Variants in COL22A1 observed in about 807,000 individuals in gnomAD.
The protein encoded by COL22A1 is collagen type XXII alpha 1 chain, also known as collagen alpha-1(XXII) chain.
COL22A1 carries 221 observed loss-of-function variants against 248.9 expected under a neutral mutation model. The ratio of observed to expected loss-of-function variants is 0.89; its 90% CI spans 0.80 to 0.99. COL22A1 has a LOEUF of 0.99. Among genes scored for constraint, COL22A1 ranks in the 50% least tolerant of loss-of-function variants. The pLI, the probability that COL22A1 is intolerant of heterozygous loss-of-function variation, is 0.00. For synonymous variants in COL22A1, 891 were observed against 793.4 expected, an observed-to-expected ratio of 1.12 and a Z score of -2.07; for missense variants, 2,240 against 2,179.0, an observed-to-expected ratio of 1.03 and a Z score of -0.56.
chr8:138,596,602 A>G (rs924455915), intron 62 of COL22A1, among the ~76,000 whole-genome samples: 1 of 152,224 alleles, frequency 6.6e-6, no homozygotes, highest in Non-Finnish European at 1.5e-5. Context: ...TTCTTTACAG[A>G]CTAGATAAAT....
chr8:138,801,132 T>C (rs1274049472), intron 11 of COL22A1, among the ~76,000 whole-genome samples: 2 of 152,150 alleles, frequency 1.3e-5, no homozygotes, highest in Admixed American at 6.5e-5. Flanking sequence ...GCTTCCTACC[T>C]ACACAAAGGA....
intron 41 of COL22A1, among the ~76,000 whole-genome samples, chr8:138,674,157 A>G (rs1564176890): frequency 6.6e-6 from 1 of 152,188 alleles, no homozygotes; most frequent in Non-Finnish European, 1.5e-5. Context: ...CTTAGGGGCT[A>G]CATGGGATCC....
chr8:138,815,838 T>C (rs1818639990), intron 7 of COL22A1, among the ~76,000 whole-genome samples: 1 of 152,102 alleles, frequency 6.6e-6, no homozygotes, highest in Non-Finnish European at 1.5e-5. Context: ...GCTTATTGCA[T>C]TGAACACTGA....
At position 138,739,504 on chromosome 8, in the gene COL22A1, G is replaced by A. The variant is rs370542891; in HGVS notation, c.2086-1927C>T. On this transcript the variant is annotated intron_variant, in intron 22 of 64. Transcript: ENST00000303045. ...CACGCTGCCGTAATTTCCTTAGTGC[G>A]GATCCTCACCAGATGCACCATTGGC... is the stretch of plus-strand genomic sequence containing the variant. Among the ~76,000 whole-genome samples, 177 of 152,248 alleles carry A rather than the reference G, an allele frequency of 1.2e-3. 1 individual carries two copies. The highest frequency in any genetic ancestry group is 4.0e-3 in the African/African-American group (166 of 41,540).
At chr8:138,836,525 C>A (rs577973991) in intron 4 of COL22A1, among the ~76,000 whole-genome samples, 2 of 152,222 alleles carry the variant, frequency 1.3e-5, no homozygotes, top group East Asian at 3.9e-4. Context: ...CTAATGGGTC[C>A]CTCACCTTGA....
At chr8:138,841,426 T>C (rs1820873380) in intron 4 of COL22A1, among the ~76,000 whole-genome samples, 1 of 152,174 alleles carries the variant, frequency 6.6e-6, no homozygotes. Context: ...TTCAAGCAGT[T>C]TCCTGGAGGT....
rs1233256279 is a variant in COL22A1, at chr8:138,589,063, C to T, written c.*190G>A. On this transcript the variant is annotated 3_prime_UTR_variant, in exon 65 of 65. Coordinates refer to ENST00000303045, the MANE Select transcript of COL22A1 (RefSeq NM_152888.3). ...AACAATAATATTAATAATAATCTGA[C>T]CGACCGGCAGCGTCTGTTGGATTTA... 16 of 574,216 alleles carry T rather than the reference C, an allele frequency of 2.8e-5. No homozygotes were observed. The highest frequency in any genetic ancestry group is 4.6e-5 in the Non-Finnish European group (15 of 325,542). The allele number at this position is 574,216 out of a possible 1,614,324, so 35.6% of individuals were successfully genotyped here.
intron 16 of COL22A1, 64 bp from the exon 17 acceptor site, chr8:138,762,530 C>T: frequency 6.7e-7 from 1 of 1,497,490 alleles, no homozygotes. Context: ...GCCCAGCACA[C>T]ATCCCCACAG....
At chr8:138,666,460 C>G (rs1378537053) in intron 41 of COL22A1, among the ~76,000 whole-genome samples, 1 of 152,190 alleles carries the variant, frequency 6.6e-6, no homozygotes, top group Non-Finnish European at 1.5e-5. Flanking sequence ...AAGCTAAAAA[C>G]CATTAAATAG....
At chr8:138,602,379 A>G (rs1404372001) in intron 59 of COL22A1, among the ~76,000 whole-genome samples, 1 of 152,074 alleles carries the variant, frequency 6.6e-6, no homozygotes, top group East Asian at 1.9e-4. Context: ...CCTTTGACTG[A>G]TGGCACCAGC....
rs1026626999 is a variant in COL22A1, at chr8:138,654,775, C to T, written c.3333+1122G>A. On this transcript the variant is annotated intron_variant, in intron 45 of 64. Coordinates refer to ENST00000303045, the MANE Select transcript of COL22A1 (RefSeq NM_152888.3). ...CTGGGCACCTGTGCAACTTAGCCTT[C>T]GGGTGTAACTCCAGCCATGCTGTGC... Among the ~76,000 whole-genome samples the T allele has an allele frequency of 3.9e-5, 6 of 152,302 alleles. No individual in the cohort carries two copies. The South Asian group carries it at 8.3e-4, about 21-fold the overall frequency.
intron 23 of COL22A1, among the ~76,000 whole-genome samples, chr8:138,735,872 A>G (rs1195160865): frequency 6.6e-6 from 1 of 152,160 alleles, no homozygotes; most frequent in African/African-American, 2.4e-5. Context: ...TTTCGGGATG[A>G]GTGCCTCCCT....
At chr8:138,840,558 C>CACAT (rs397723590) in intron 4 of COL22A1, among the ~76,000 whole-genome samples, 1 of 145,214 alleles carries the variant, frequency 6.9e-6, no homozygotes, top group East Asian at 2.0e-4. Flanking sequence ...CACACACACA[C>CACAT]GCGCTCCTGA....
At chr8:138,892,718 T>C (rs1717648082) in intron 1 of COL22A1, among the ~76,000 whole-genome samples, 1 of 152,162 alleles carries the variant, frequency 6.6e-6, no homozygotes, top group African/African-American at 2.4e-5. Context: ...AGCATTCCCA[T>C]TCAGGGACCC....
intron 2 of COL22A1, among the ~76,000 whole-genome samples, chr8:138,879,405 C>T (rs959290106): frequency 3.3e-5 from 5 of 151,994 alleles, no homozygotes; most frequent in Non-Finnish European, 7.4e-5. Flanking sequence ...AAGCCCTGGT[C>T]TTAAGGCCAG....
chr8:138,792,151 ATG>A (rs1816108905), intron 12 of COL22A1, among the ~76,000 whole-genome samples: 1 of 152,190 alleles, frequency 6.6e-6, no homozygotes, highest in South Asian at 2.1e-4. Context: ...ATATTGTAAG[ATG>A]TGGTCCAGGC....
At chr8:138,860,837 C>G (rs935069153) in intron 3 of COL22A1, among the ~76,000 whole-genome samples, 3 of 152,140 alleles carry the variant, frequency 2.0e-5, no homozygotes, top group African/African-American at 7.2e-5. Context: ...TCACTTTCTC[C>G]CGCACCACTG....
chr8:138,668,587 A>G (rs775569371), intron 41 of COL22A1, among the ~76,000 whole-genome samples: 51 of 152,306 alleles, frequency 3.3e-4, no homozygotes, highest in Non-Finnish European at 5.1e-4. Flanking sequence ...TCTAAAAACC[A>G]GCTTCCCTTC....
chr8:138,737,072 C>T (rs1831169796), intron 23 of COL22A1, among the ~76,000 whole-genome samples: 1 of 152,176 alleles, frequency 6.6e-6, no homozygotes, highest in African/African-American at 2.4e-5. Flanking sequence ...CTGCTCCATT[C>T]CTGCCCAGCG....
Sources: gnomAD v4.1 joint callset for allele counts (sites outside exome capture counted in the v4.1 genomes callset) on GRCh38, gnomAD v4.1.1 for gene constraint, MANE v1.5 for transcripts, NCBI Gene and HGNC (gene_info 2026-07-23, HGNC 2026-07-21) for gene names.